PPARGC1A: variants seen among roughly 807,000 people sequenced by gnomAD.
The protein encoded by PPARGC1A is PPARG coactivator 1 alpha.
PPARGC1A carries 25 observed loss-of-function variants against 88.7 expected under a neutral mutation model. The ratio of observed to expected loss-of-function variants is 0.28; its 90% CI spans 0.21 to 0.39. The LOEUF (loss-of-function observed/expected upper bound fraction) is 0.39. PPARGC1A is among the 10% of genes least tolerant of loss of function. The pLI is 1.00. For missense variants in PPARGC1A, 880 were observed against 968.7 expected (o/e 0.91, Z 1.22); for synonymous variants, 363 against 355.6 (o/e 1.02, Z -0.24).
At chr4:23,827,476 C>T (rs2109644293) in intron 5 of PPARGC1A, among the ~76,000 whole-genome samples, 1 of 151,966 alleles carries the variant, frequency 6.6e-6, no homozygotes, top group South Asian at 2.1e-4. Flanking sequence ...TTATAATATG[C>T]CTACTTCCAC....
chr4:23,875,429 C>G (rs1027802192), intron 2 of PPARGC1A, among the ~76,000 whole-genome samples: 12 of 151,930 alleles, frequency 7.9e-5, no homozygotes, highest in African/African-American at 2.7e-4. Flanking sequence ...GTTTGTTATC[C>G]AAACCTGTAT....
the PPARGC1A span, among the ~76,000 whole-genome samples, chr4:24,129,043 A>C: frequency 6.6e-6 from 1 of 152,258 alleles, no homozygotes; most frequent in Admixed American, 6.5e-5. Context: ...TCATGTAAGC[A>C]GAGCAAAAAA....
the PPARGC1A span, among the ~76,000 whole-genome samples, chr4:24,234,083 C>G: frequency 2.6e-3 from 398 of 152,290 alleles, 3 homozygotes; most frequent in African/African-American, 8.8e-3. Context: ...CGGTTTAGAA[C>G]TTTGACTGCA....
the PPARGC1A span, among the ~76,000 whole-genome samples, chr4:24,283,938 A>G: frequency 1.3e-5 from 2 of 152,120 alleles, no homozygotes; most frequent in Non-Finnish European, 2.9e-5. Context: ...TACTGTCATT[A>G]ATCCAGCTTT....
At chr4:24,197,939 C>A in the PPARGC1A span, among the ~76,000 whole-genome samples, 5 of 152,118 alleles carry the variant, frequency 3.3e-5, no homozygotes, top group Non-Finnish European at 5.9e-5. Context: ...TTAAATTCAC[C>A]CATCACAAAG....
At chr4:23,809,647 A>G (rs1720502468) in intron 10 of PPARGC1A, among the ~76,000 whole-genome samples, 1 of 152,234 alleles carries the variant, frequency 6.6e-6, no homozygotes. Flanking sequence ...ATTGGTCTCA[A>G]CATGTCCAAA....
chr4:24,386,494 CA>C, the PPARGC1A span, among the ~76,000 whole-genome samples: 1 of 152,168 alleles, frequency 6.6e-6, no homozygotes, highest in Non-Finnish European at 1.5e-5. Flanking sequence ...TAGAAAACTC[CA>C]TCGTCTCAGC....
the PPARGC1A span, among the ~76,000 whole-genome samples, chr4:24,236,986 AT>A: frequency 6.6e-6 from 1 of 152,238 alleles, no homozygotes; most frequent in Non-Finnish European, 1.5e-5. Flanking sequence ...AGAGTTGTGC[AT>A]GTGCTTAGCA....
At chr4:24,222,605 A>C in the PPARGC1A span, among the ~76,000 whole-genome samples, 1 of 152,224 alleles carries the variant, frequency 6.6e-6, no homozygotes. Flanking sequence ...CCTAAGAGAA[A>C]TTCTTGAAAA....
chr4:23,986,917 T>C, the PPARGC1A span, among the ~76,000 whole-genome samples: 270 of 152,220 alleles, frequency 1.8e-3, no homozygotes, highest in African/African-American at 6.2e-3. Context: ...CATTTCTCTT[T>C]TGTATCTTCA....
the PPARGC1A span, among the ~76,000 whole-genome samples, chr4:23,968,938 A>C: frequency 6.6e-6 from 1 of 152,064 alleles, no homozygotes; most frequent in Admixed American, 6.6e-5. Flanking sequence ...AAAACAAAAC[A>C]AAAAAACAAA....
At chr4:24,242,865 A>T in the PPARGC1A span, among the ~76,000 whole-genome samples, 1 of 152,144 alleles carries the variant, frequency 6.6e-6, no homozygotes, top group East Asian at 1.9e-4. Flanking sequence ...TCCCAGCCTC[A>T]GAACCCCATC....
At chr4:23,821,376 T>C (rs113642936) in intron 7 of PPARGC1A, among the ~76,000 whole-genome samples, 5 of 152,246 alleles carry the variant, frequency 3.3e-5, no homozygotes, top group African/African-American at 9.6e-5. Flanking sequence ...AAGTAGCTGT[T>C]GCTGAGAGAA....
chr4:24,288,265 C>T, the PPARGC1A span, among the ~76,000 whole-genome samples: 1 of 152,298 alleles, frequency 6.6e-6, no homozygotes, highest in Admixed American at 6.5e-5. Flanking sequence ...TTCTTTCTAC[C>T]TTATTATGAC....
the PPARGC1A span, among the ~76,000 whole-genome samples, chr4:24,409,874 G>T: frequency 6.6e-6 from 1 of 152,162 alleles, no homozygotes; most frequent in East Asian, 1.9e-4. Flanking sequence ...CCAATGGGAG[G>T]TAAACAAACC....
At chr4:24,027,432 GAAGAT>G in the PPARGC1A span, among the ~76,000 whole-genome samples, 1 of 152,094 alleles carries the variant, frequency 6.6e-6, no homozygotes, top group Non-Finnish European at 1.5e-5. Flanking sequence ...ACTATTGCAT[GAAGAT>G]AAAATGAGAT....
chr4:24,280,537 G>T, the PPARGC1A span, among the ~76,000 whole-genome samples: 5 of 152,210 alleles, frequency 3.3e-5, no homozygotes, highest in Admixed American at 1.3e-4. Flanking sequence ...GGAAAGGAAG[G>T]CAGAGAAAGA....
chr4:23,828,992 G>A (rs1450389037), intron 4 of PPARGC1A, among the ~76,000 whole-genome samples: 1 of 152,178 alleles, frequency 6.6e-6, no homozygotes, highest in East Asian at 1.9e-4. Context: ...ACAGTGAATA[G>A]CAAGACAAAC....
the PPARGC1A span, among the ~76,000 whole-genome samples, chr4:24,137,645 C>T: frequency 6.6e-6 from 1 of 152,026 alleles, no homozygotes; most frequent in Admixed American, 6.5e-5. Flanking sequence ...TCCATACTGC[C>T]CCCCACAAGA....
Sources: allele counts gnomAD v4.1 joint callset (sites outside exome capture counted in the v4.1 genomes callset), GRCh38; gene constraint gnomAD v4.1.1; transcripts MANE v1.5; gene names NCBI Gene and HGNC (gene_info 2026-07-23, HGNC 2026-07-21).